BICD1: variants seen among roughly 807,000 people sequenced by gnomAD.
The protein encoded by BICD1 is BICD cargo adaptor 1.
In BICD1, 35 loss-of-function variants were observed where a neutral mutation model predicts 92.5. The observed-to-expected ratio is 0.38, with a 90% CI of 0.29 to 0.50. BICD1 has a LOEUF of 0.50. Ranked by LOEUF, BICD1 falls within the 20% of genes least tolerant of loss-of-function variation. The pLI is 0.93. For synonymous variants in BICD1, 429 were observed against 465.1 expected, an observed-to-expected ratio of 0.92 and a Z score of 1.00; for missense variants, 950 against 1,189.8, an observed-to-expected ratio of 0.80 and a Z score of 2.97.
intron 8 of BICD1, among the ~76,000 whole-genome samples, chr12:32,356,638 AAAAAG>A (rs920786077): frequency 3.3e-5 from 5 of 152,176 alleles, no homozygotes; most frequent in African/African-American, 1.2e-4. Context: ...ATCTCAAAAA[AAAAAG>A]AAAGAAGAAA....
chr12:32,138,360 T>C (rs1452313574), intron 1 of BICD1, among the ~76,000 whole-genome samples: 38 of 152,246 alleles, frequency 2.5e-4, no homozygotes, highest in Admixed American at 2.5e-3. Context: ...TTTAAATATA[T>C]TAACTCATTC....
intron 2 of BICD1, among the ~76,000 whole-genome samples, chr12:32,247,220 G>C (rs938440249): frequency 7.1e-6 from 1 of 141,434 alleles, no homozygotes; most frequent in African/African-American, 2.7e-5. Context: ...CTGGATGACA[G>C]AGCGAGACCC....
chr12:32,350,277 G>T (rs1233082925), intron 8 of BICD1, among the ~76,000 whole-genome samples: 1 of 152,132 alleles, frequency 6.6e-6, no homozygotes, highest in Non-Finnish European at 1.5e-5. Flanking sequence ...GAGCCCAGGA[G>T]TTCAAGACCA....
At chr12:32,111,796 A>T (rs184624021) in intron 1 of BICD1, among the ~76,000 whole-genome samples, 14 of 152,046 alleles carry the variant, frequency 9.2e-5, no homozygotes, top group Non-Finnish European at 1.8e-4. Flanking sequence ...TTTAGTAGAG[A>T]TGGGCTTTCA....
intron 1 of BICD1, among the ~76,000 whole-genome samples, chr12:32,131,767 G>C (rs1030062063): frequency 6.6e-6 from 1 of 152,204 alleles, no homozygotes; most frequent in African/African-American, 2.4e-5. Context: ...CATATCTGAT[G>C]ACTAAACGCT....
chr12:32,143,253 C>T (rs952531700), intron 1 of BICD1, among the ~76,000 whole-genome samples: 3 of 152,172 alleles, frequency 2.0e-5, no homozygotes, highest in Non-Finnish European at 4.4e-5. Flanking sequence ...ATATCATAAG[C>T]ACCGCACAAT....
intron 1 of BICD1, among the ~76,000 whole-genome samples, chr12:32,117,370 G>T (rs1941952533): frequency 6.6e-6 from 1 of 152,066 alleles, no homozygotes; most frequent in African/African-American, 2.4e-5. Context: ...TTTCCAACAT[G>T]GTTAAATTGT....
intron 8 of BICD1, among the ~76,000 whole-genome samples, chr12:32,342,345 C>T (rs1395390270): frequency 1.3e-5 from 2 of 150,432 alleles, no homozygotes; most frequent in Non-Finnish European, 3.0e-5. Context: ...AGCTCTGCCT[C>T]CCAGGTTCAT....
chr12:32,350,469 T>G (rs530266458), intron 8 of BICD1, among the ~76,000 whole-genome samples: 1 of 152,226 alleles, frequency 6.6e-6, no homozygotes, highest in East Asian at 1.9e-4. Context: ...AGTGCCTACA[T>G]AAATAAATAA....
intron 2 of BICD1, among the ~76,000 whole-genome samples, chr12:32,262,737 A>AT (rs2136129444): frequency 6.6e-6 from 1 of 152,340 alleles, no homozygotes; most frequent in South Asian, 2.1e-4. Context: ...AAGACAAGGA[A>AT]TGCCAGGGGC....
intron 9 of BICD1, among the ~76,000 whole-genome samples, chr12:32,370,082 T>C (rs1245851406): frequency 1.3e-5 from 2 of 152,134 alleles, no homozygotes; most frequent in Non-Finnish European, 1.5e-5. Flanking sequence ...GAAATAATAA[T>C]GATAGGTCAG....
intron 1 of BICD1, among the ~76,000 whole-genome samples, chr12:32,135,073 T>G (rs1366182539): frequency 1.7e-5 from 1 of 60,204 alleles, no homozygotes; most frequent in Non-Finnish European, 2.9e-5. Context: ...TCCCCTCCCC[T>G]TCCCCGCTCC....
intron 8 of BICD1, chr12:32,339,515 G>T (rs1687500387): frequency 2.0e-6 from 2 of 985,234 alleles, no homozygotes; most frequent in Non-Finnish European, 2.4e-6. Context: ...CTTGTAGATT[G>T]CAGGCCCCCC....
chr12:32,293,459 A>G lies in BICD1; in HGVS notation c.427-535A>G, dbSNP rs1350715056. On this transcript the variant is annotated intron_variant, in intron 2 of 9. Transcript: ENST00000652176. The stretch of plus-strand genomic sequence containing the variant: ...CAGCCTCCCAAGTAGCTAGGATTAC[A>G]GGCGCCCACCACCACGCCTGGCTAA... 2.0e-5 allele frequency among the ~76,000 whole-genome samples: 3 copies of G among 148,716 alleles called. 1 individual carries two copies. The highest frequency in any genetic ancestry group is 4.4e-5 in the Non-Finnish European group (3 of 67,630).
At chr12:32,300,679 T>C (rs540079033) in intron 3 of BICD1, among the ~76,000 whole-genome samples, 2 of 140,484 alleles carry the variant, frequency 1.4e-5, no homozygotes, top group African/African-American at 5.3e-5. Context: ...AGTCCAGCTC[T>C]TTTGCCCAGG....
At chr12:32,208,094 C>T (rs931922609) in intron 1 of BICD1, among the ~76,000 whole-genome samples, 2 of 152,200 alleles carry the variant, frequency 1.3e-5, no homozygotes, top group African/African-American at 4.8e-5. Flanking sequence ...TATCTGATAT[C>T]CTTGCCTTTT....
intron 2 of BICD1, among the ~76,000 whole-genome samples, chr12:32,250,904 G>T (rs1004912022): frequency 6.6e-6 from 1 of 152,116 alleles, no homozygotes; most frequent in African/African-American, 2.4e-5. Context: ...GATTGCCTGA[G>T]CCCAAGGAGG....
chr12:32,229,245 T>A (rs879647841), intron 2 of BICD1, among the ~76,000 whole-genome samples: 39 of 152,240 alleles, frequency 2.6e-4, no homozygotes, highest in Non-Finnish European at 5.6e-4. Context: ...AGCAAGACTC[T>A]GTCTCAAAAC....
chr12:32,197,909 T>TA (rs5797463), intron 1 of BICD1, among the ~76,000 whole-genome samples: 9 of 149,704 alleles, frequency 6.0e-5, no homozygotes, highest in African/African-American at 1.7e-4. Flanking sequence ...ATGCATATAG[T>TA]AAAAAAAAAA....
Sources: gnomAD v4.1 joint callset for allele counts (sites outside exome capture counted in the v4.1 genomes callset) on GRCh38, gnomAD v4.1.1 for gene constraint, MANE v1.5 for transcripts, NCBI Gene and HGNC (gene_info 2026-07-23, HGNC 2026-07-21) for gene names.